NCOR2: variants seen among roughly 807,000 people sequenced by gnomAD.
NCOR2 encodes the protein CTG repeat protein 26.
A neutral mutation model predicts 262.9 loss-of-function variants in NCOR2; 81 were observed. That is an observed-to-expected ratio of 0.31 (90% CI 0.26 to 0.37). The LOEUF (loss-of-function observed/expected upper bound fraction) is 0.37. Among genes scored for constraint, NCOR2 ranks in the 10% least tolerant of loss-of-function variants. The probability of loss-of-function intolerance (pLI) is 1.00; values close to 1 mark genes in which losing one functional copy is unlikely to be tolerated. For missense variants in NCOR2, 3,385 were observed against 3,621.4 expected, an observed-to-expected ratio of 0.93 and a Z score of 1.68; for synonymous variants, 1,659 against 1,559.3, an observed-to-expected ratio of 1.06 and a Z score of -1.51.
At chr12:124,558,000 C>T (rs544731503) in intron 1 of NCOR2, among the ~76,000 whole-genome samples, 65 of 152,264 alleles carry the variant, frequency 4.3e-4, no homozygotes, top group African/African-American at 1.5e-3. Context: ...GAGCTGCATC[C>T]GGCCCCAACC....
chr12:124,438,399 GC>G (rs34032385), intron 7 of NCOR2, among the ~76,000 whole-genome samples: 20 of 152,126 alleles, frequency 1.3e-4, no homozygotes, highest in Admixed American at 3.3e-4. Context: ...CCGCCCACAG[GC>G]CGGGTGTCAG....
chr12:124,512,727 C>T (rs560237438), intron 1 of NCOR2, among the ~76,000 whole-genome samples: 10 of 152,338 alleles, frequency 6.6e-5, no homozygotes, highest in African/African-American at 2.2e-4. Flanking sequence ...GGAGTTCAGC[C>T]GATGCCCAGG....
chr12:124,450,970 A>G (rs1240720639), intron 6 of NCOR2, among the ~76,000 whole-genome samples: 1 of 152,262 alleles, frequency 6.6e-6, no homozygotes, highest in Non-Finnish European at 1.5e-5. Flanking sequence ...CAGAGGTGCC[A>G]GTCACATTGC....
intron 9 of NCOR2, 125 bp downstream of exon 11, chr12:124,430,490 C>G: frequency 8.3e-7 from 1 of 1,211,500 alleles, no homozygotes; most frequent in Non-Finnish European, 1.1e-6. Flanking sequence ...TGGTAGGGCC[C>G]TGGCCACTGG....
intron 7 of NCOR2, among the ~76,000 whole-genome samples, chr12:124,445,658 C>T (rs1332333809): frequency 6.6e-6 from 1 of 152,120 alleles, no homozygotes; most frequent in African/African-American, 2.4e-5. Flanking sequence ...CCCACCTGAC[C>T]CCGGCTGGAT....
chr12:124,427,597 G>A (rs2043627256), intron 10 of NCOR2, among the ~76,000 whole-genome samples: 1 of 152,226 alleles, frequency 6.6e-6, no homozygotes. Context: ...AGGACTCCCA[G>A]CCAGGGGTCA....
chr12:124,350,865 G>A, intron 27 of NCOR2, 128 bp from the exon 30 acceptor site: 1 of 949,126 alleles, frequency 1.1e-6, no homozygotes, highest in Admixed American at 3.0e-5. Flanking sequence ...CACACACACT[G>A]TCTCAAATAG....
chr12:124,438,778 CAGAGAGAGAGAG>C (rs56072801), intron 7 of NCOR2, among the ~76,000 whole-genome samples: 19 of 60,068 alleles, frequency 3.2e-4, no homozygotes, highest in African/African-American at 1.1e-3. Context: ...CCCAGAGAGA[CAGAGAGAGAGAG>C]AGAGAGAGAG....
chr12:124,551,196 A>T (rs1003444276), intron 1 of NCOR2, among the ~76,000 whole-genome samples: 2 of 152,212 alleles, frequency 1.3e-5, no homozygotes, highest in Admixed American at 1.3e-4. Flanking sequence ...GTCATGTGAT[A>T]AGGTGCATGA....
At chr12:124,501,683 C>A (rs1390250414) in intron 1 of NCOR2, among the ~76,000 whole-genome samples, 4 of 152,334 alleles carry the variant, frequency 2.6e-5, no homozygotes, top group Non-Finnish European at 5.9e-5. Context: ...TTGGGGCCCT[C>A]CCCTATCCGG....
rs1412635397 is a variant in NCOR2, at chr12:124,517,691, C to A, written c.-118+17874G>T. Among the ~76,000 whole-genome samples, 4 of 152,246 alleles carry A rather than the reference C, an allele frequency of 2.6e-5. No homozygotes were observed. The highest frequency in any genetic ancestry group is 1.3e-4 in the Admixed American group (2 of 15,294). On this transcript the variant is annotated intron_variant, in intron 1 of 46. Coordinates refer to the NCOR2 transcript ENST00000404621. The surrounding 1 kb of genome is among the most constrained non-coding windows in gnomAD (Gnocchi z 7.6). ...CCCCCAAGGCTCGCCATGCTCCCCC[C>A]CAGGGACGCCGGATGTGCACCAAGG... is the stretch of plus-strand genomic sequence containing the variant.
chr12:124,334,203 T>G, intron 41 of NCOR2: 1 of 477,170 alleles, frequency 2.1e-6, no homozygotes, highest in Non-Finnish European at 3.7e-6. Flanking sequence ...TACACGTGAG[T>G]GCCTGGAACC....
chr12:124,490,205 G>T (rs1479704453), intron 1 of NCOR2, among the ~76,000 whole-genome samples: 1 of 152,102 alleles, frequency 6.6e-6, no homozygotes, highest in Non-Finnish European at 1.5e-5. Context: ...TCCAAAGGCA[G>T]CTTCTCAGTG....
chr12:124,491,404 G>A (rs1007159365), intron 1 of NCOR2, among the ~76,000 whole-genome samples: 11 of 151,750 alleles, frequency 7.2e-5, no homozygotes, highest in African/African-American at 2.2e-4. Context: ...ACTGAGGCAC[G>A]GGACGGTAAG....
chr12:124,547,176 A>G (rs2051569603), intron 1 of NCOR2, among the ~76,000 whole-genome samples: 1 of 151,874 alleles, frequency 6.6e-6, no homozygotes, highest in East Asian at 1.9e-4. Flanking sequence ...TATTTTTAGT[A>G]GAGACGGGGT....
intron 1 of NCOR2, among the ~76,000 whole-genome samples, chr12:124,552,893 C>T (rs1566054105): frequency 6.6e-6 from 1 of 152,144 alleles, no homozygotes; most frequent in Non-Finnish European, 1.5e-5. Context: ...CTGTGTTCCC[C>T]AGGCTGGTCT....
At chr12:124,505,058 CAG>C (rs1254749052) in intron 1 of NCOR2, among the ~76,000 whole-genome samples, 5 of 152,204 alleles carry the variant, frequency 3.3e-5, no homozygotes, top group Non-Finnish European at 5.9e-5. Context: ...AATCGTTTGA[CAG>C]GGGAAACTGA....
chr12:124,435,121 C>T (rs1398899788), intron 8 of NCOR2, among the ~76,000 whole-genome samples: 1 of 152,170 alleles, frequency 6.6e-6, no homozygotes, highest in Non-Finnish European at 1.5e-5. Flanking sequence ...ACTTGCTATG[C>T]CCTCTGCCTG....
chr12:124,327,483 G>A lies in NCOR2; in HGVS notation c.7109C>T (p.Ala2370Val), dbSNP rs765585216. 7 of 1,613,568 alleles carry A rather than the reference G, an allele frequency of 4.3e-6. No individual in the cohort carries two copies. The Admixed American group carries it at 8.3e-5, about 19-fold the overall frequency. Residue 2370 changes from alanine to valine, a missense_variant, in exon 45 of 47, where the codon GCC becomes GTC. Physicochemically the swap from Ala to Val is moderately conservative, Grantham distance 64. Around this residue, in one of 5 missense-constraint regions of NCOR2, gnomAD observed 1,017 missense variants for 967.2 expected, o/e 1.05. Transcript: ENST00000405201. ...CATAGCAGCGGGCAGGCTGGCACTG[G>A]CATTCAGAGGGTTAAAAGCATTGGC...
Sources: gnomAD v4.1 joint callset for allele counts (sites outside exome capture counted in the v4.1 genomes callset) on GRCh38, gnomAD v4.1.1 for gene constraint, gnomAD v4.1.1 regional missense constraint, Gnocchi (gnomAD v3.1) non-coding constraint, MANE v1.5 for transcripts, NCBI Gene and HGNC (gene_info 2026-07-23, HGNC 2026-07-21) for gene names.